The following GUCY1A2 variants were observed in gnomAD, a reference collection of about 807,000 sequenced individuals.
GUCY1A2 encodes guanylate cyclase 1 soluble subunit alpha 2.
GUCY1A2 carries 27 observed loss-of-function variants against 63.5 expected under a neutral mutation model. That is an observed-to-expected ratio of 0.43 (90% CI 0.31 to 0.59). The LOEUF (loss-of-function observed/expected upper bound fraction) is 0.59, where lower values mean the gene tolerates loss of function less well. GUCY1A2 is among the 20% of genes least tolerant of loss of function. GUCY1A2 has a pLI of 0.11. For synonymous variants in GUCY1A2, 364 were observed against 343.5 expected (o/e 1.06, Z -0.66); for missense variants, 768 against 913.3 (o/e 0.84, Z 2.05).
chr11:106,936,506 C>A, intron 4 of GUCY1A2: 1 of 487,710 alleles, frequency 2.1e-6, no homozygotes, highest in Non-Finnish European at 3.6e-6. Flanking sequence ...AAGATGAAAA[C>A]ATACGAATAC....
At chr11:106,690,596 G>A (rs185848274) in intron 7 of GUCY1A2, among the ~76,000 whole-genome samples, 1 of 152,110 alleles carries the variant, frequency 6.6e-6, no homozygotes, top group Non-Finnish European at 1.5e-5. Flanking sequence ...TAATACCTTG[G>A]TGATAAAATA....
intron 4 of GUCY1A2, among the ~76,000 whole-genome samples, chr11:106,813,958 T>C (rs1170210784): frequency 6.6e-6 from 1 of 152,100 alleles, no homozygotes; most frequent in African/African-American, 2.4e-5. Flanking sequence ...GTTAAGAGAT[T>C]TGTAAAGAAT....
intron 1 of GUCY1A2, among the ~76,000 whole-genome samples, chr11:106,994,500 T>G (rs1188734865): frequency 1.3e-5 from 2 of 152,196 alleles, no homozygotes; most frequent in African/African-American, 4.8e-5. Context: ...TTCAAAGAAC[T>G]CCAGAGAGTA....
At chr11:106,720,204 G>A (rs967697267) in intron 6 of GUCY1A2, among the ~76,000 whole-genome samples, 20 of 152,110 alleles carry the variant, frequency 1.3e-4, no homozygotes, top group Non-Finnish European at 2.2e-4. Flanking sequence ...TGTTTTCGTG[G>A]CAAACACAAA....
intron 6 of GUCY1A2, among the ~76,000 whole-genome samples, chr11:106,760,194 TC>T (rs1864041741): frequency 6.6e-6 from 1 of 152,172 alleles, no homozygotes; most frequent in Non-Finnish European, 1.5e-5. Context: ...GTTTGTTGGT[TC>T]TTTGTTATGT....
chr11:106,942,720 G>A (rs761029945), intron 3 of GUCY1A2, among the ~76,000 whole-genome samples: 85 of 151,988 alleles, frequency 5.6e-4, no homozygotes, highest in Non-Finnish European at 8.4e-4. Context: ...ACAATACAGT[G>A]TAAGCTTATG....
chr11:106,869,726 T>A (rs1210755382), intron 4 of GUCY1A2, among the ~76,000 whole-genome samples: 3 of 152,076 alleles, frequency 2.0e-5, no homozygotes, highest in Admixed American at 6.6e-5. Context: ...GAGCTAGAAA[T>A]ACCATTTGAC....
intron 2 of GUCY1A2, among the ~76,000 whole-genome samples, chr11:106,979,486 G>GCAGTATGGT (rs1440060220): frequency 6.7e-6 from 1 of 149,376 alleles, no homozygotes; most frequent in African/African-American, 2.5e-5. Flanking sequence ...GAAGAAGATA[G>GCAGTATGGT]CAGTATGGTG....
At chr11:106,781,126 A>AG (rs1370043102) in intron 5 of GUCY1A2, among the ~76,000 whole-genome samples, 13 of 149,040 alleles carry the variant, frequency 8.7e-5, no homozygotes, top group African/African-American at 3.2e-4. Context: ...AAAAAAAAAA[A>AG]AAAAAAAGAA....
chr11:106,791,823 A>G (rs1864666810), intron 5 of GUCY1A2, among the ~76,000 whole-genome samples: 1 of 152,110 alleles, frequency 6.6e-6, no homozygotes, highest in Non-Finnish European at 1.5e-5. Context: ...TAGAACACCA[A>G]TAAAATTTGG....
chr11:106,742,629 T>C (rs914243929), intron 6 of GUCY1A2, among the ~76,000 whole-genome samples: 1 of 152,200 alleles, frequency 6.6e-6, no homozygotes, highest in African/African-American at 2.4e-5. Flanking sequence ...TTTGCTATTG[T>C]GAATAGTACT....
At chr11:106,792,828 G>A (rs960064247) in intron 5 of GUCY1A2, among the ~76,000 whole-genome samples, 6 of 152,198 alleles carry the variant, frequency 3.9e-5, no homozygotes, top group Middle Eastern at 3.4e-3. Flanking sequence ...TTTCATCAAG[G>A]ATGTGAATGA....
intron 4 of GUCY1A2, 148 bp from the exon 5 acceptor site, chr11:106,810,626 T>C: frequency 1.7e-6 from 1 of 596,970 alleles, no homozygotes; most frequent in Non-Finnish European, 2.8e-6. Context: ...AATCTGATTT[T>C]CAGCCAGTTT....
chr11:106,948,669 G>A (rs1860862977), intron 3 of GUCY1A2, among the ~76,000 whole-genome samples: 1 of 152,086 alleles, frequency 6.6e-6, no homozygotes, highest in African/African-American at 2.4e-5. Context: ...AAAATACTGT[G>A]AGATATGAAA....
At chr11:106,922,526 T>C (rs1565332646) in intron 4 of GUCY1A2, among the ~76,000 whole-genome samples, 1 of 150,130 alleles carries the variant, frequency 6.7e-6, no homozygotes, top group Non-Finnish European at 1.5e-5. Flanking sequence ...TCTTATTAAA[T>C]TGTGAGTACA....
intron 6 of GUCY1A2, among the ~76,000 whole-genome samples, chr11:106,759,754 C>T (rs541618749): frequency 5.3e-5 from 8 of 152,172 alleles, no homozygotes; most frequent in South Asian, 2.1e-4. Flanking sequence ...CCCAACGTGG[C>T]GAAACCCTGT....
chr11:106,887,225 A>G (rs1389668537), intron 4 of GUCY1A2, among the ~76,000 whole-genome samples: 8 of 152,130 alleles, frequency 5.3e-5, no homozygotes, highest in African/African-American at 1.9e-4. Flanking sequence ...TATATTAGTC[A>G]TCAGTTTTTC....
chr11:106,723,714 T>C (rs1000689165), intron 6 of GUCY1A2, among the ~76,000 whole-genome samples: 6 of 152,172 alleles, frequency 3.9e-5, no homozygotes, highest in African/African-American at 1.4e-4. Context: ...TCCCAGCTAC[T>C]TTGGAGGCTG....
intron 4 of GUCY1A2, among the ~76,000 whole-genome samples, chr11:106,930,464 A>G (rs1271697749): frequency 1.3e-5 from 2 of 152,160 alleles, no homozygotes; most frequent in African/African-American, 4.8e-5. Flanking sequence ...CATACACAAT[A>G]CTGTCTCTCA....
Sources: allele counts gnomAD v4.1 joint callset (sites outside exome capture counted in the v4.1 genomes callset), GRCh38; gene constraint gnomAD v4.1.1; transcripts MANE v1.5; gene names NCBI Gene and HGNC (gene_info 2026-07-23, HGNC 2026-07-21).